Variants in SLC2A12 observed in about 807,000 individuals in gnomAD.
The protein encoded by SLC2A12 is solute carrier family 2, facilitated glucose transporter member 12.
A neutral mutation model predicts 41.8 loss-of-function variants in SLC2A12; 23 were observed. The ratio of observed to expected loss-of-function variants is 0.55; its 90% CI spans 0.40 to 0.78. The LOEUF is 0.78. SLC2A12 is among the 30% of genes least tolerant of loss of function. The probability of loss-of-function intolerance (pLI) is 0.00; values close to 1 mark genes in which losing one functional copy is unlikely to be tolerated. For missense variants in SLC2A12, 654 were observed against 745.6 expected (o/e 0.88, Z 1.43); for synonymous variants, 295 against 285.9 (o/e 1.03, Z -0.32).
chr6:134,021,988 G>A (rs567566742), intron 2 of SLC2A12, among the ~76,000 whole-genome samples: 1 of 152,268 alleles, frequency 6.6e-6, no homozygotes, highest in African/African-American at 2.4e-5. Flanking sequence ...ACCCCAGGGA[G>A]CATCATTCAC....
chr6:134,010,136 G>A (rs911245339), intron 2 of SLC2A12, among the ~76,000 whole-genome samples: 1 of 152,104 alleles, frequency 6.6e-6, no homozygotes, highest in African/African-American at 2.4e-5. Context: ...ATTCATAGGA[G>A]GTATGAATCA....
In SLC2A12 at chr6:133,990,861, A is replaced by G. The variant is rs1205396389; in HGVS notation, c.*294T>C. 3.9e-6 allele frequency: 1 copy of G among 257,692 alleles called. No homozygotes were observed. The highest frequency in any genetic ancestry group is 2.2e-5 in the African/African-American group (1 of 45,044). The allele number at this position is 257,692 out of a possible 1,614,324, so 16.0% of individuals were successfully genotyped here. ...TCTTCACTAGGACATAGTCTATTCA[A>G]AGGCTGCTCTGTGAAGAAGGTAGAA... On this transcript the variant is annotated 3_prime_UTR_variant, in exon 5 of 5. Transcript: ENST00000275230.
At chr6:134,040,348 G>A (rs1480197639) in intron 1 of SLC2A12, among the ~76,000 whole-genome samples, 2 of 152,102 alleles carry the variant, frequency 1.3e-5, no homozygotes, top group African/African-American at 4.8e-5. Context: ...CAAAGTGCTG[G>A]GATTACAGGT....
chr6:134,034,302 T>C (rs1358677147), intron 1 of SLC2A12, among the ~76,000 whole-genome samples: 1 of 152,178 alleles, frequency 6.6e-6, no homozygotes, highest in African/African-American at 2.4e-5. Flanking sequence ...GTCTCAGTTG[T>C]CTGAATTTTA....
chr6:133,999,639 T>C (rs1014941281), intron 4 of SLC2A12, among the ~76,000 whole-genome samples: 1 of 152,144 alleles, frequency 6.6e-6, no homozygotes, highest in African/African-American at 2.4e-5. Context: ...AAGCTCCCCA[T>C]TGACAGCCAG....
In SLC2A12 at chr6:134,029,542, G is replaced by C. The variant is rs1309025409; in HGVS notation, c.283C>G (p.Leu95Val). The C allele has an allele frequency of 6.2e-6, 10 of 1,614,158 alleles. No individual in the cohort carries two copies. The highest frequency in any genetic ancestry group is 8.5e-6 in the Non-Finnish European group (10 of 1,180,026). ...CTGTCTATCAGGACCCCTCCGGTGA[G>C]TGAGGCAAGGAGGGCTCCAATGACG... ...SLVIGALLAS[L>V]TGGVLIDRYG... Residue 95 changes from leucine (L) to valine (V), a missense_variant, in exon 2 of 5, where the codon CTC becomes GTC. Around this residue, in one of 3 missense-constraint regions of SLC2A12, gnomAD observed 109 missense variants for 153.0 expected, o/e 0.71. Coordinates refer to ENST00000275230, the MANE Select transcript of SLC2A12 (RefSeq NM_145176.3).
intron 2 of SLC2A12, among the ~76,000 whole-genome samples, chr6:134,015,284 G>A (rs371271809): frequency 6.6e-6 from 1 of 152,086 alleles, no homozygotes; most frequent in Non-Finnish European, 1.5e-5. Flanking sequence ...GGGGGATGGG[G>A]ACCAACACAC....
At chr6:134,015,755 G>T (rs1477943414) in intron 2 of SLC2A12, among the ~76,000 whole-genome samples, 1 of 152,158 alleles carries the variant, frequency 6.6e-6, no homozygotes, top group African/African-American at 2.4e-5. Flanking sequence ...GAAGCCACTA[G>T]GTAAACTTCC....
chr6:134,025,512 T>A, intron 2 of SLC2A12, among the ~76,000 whole-genome samples: 1 of 152,202 alleles, frequency 6.6e-6, no homozygotes, highest in East Asian at 1.9e-4. Flanking sequence ...TAGCATAGAA[T>A]GTTATTGAAA....
Position 134,028,530 on chromosome 6 carries a change from G to A in SLC2A12, c.1295C>T (p.Thr432Met), listed in dbSNP as rs200231388. 201 of 1,614,164 alleles carry A rather than the reference G, an allele frequency of 1.2e-4. No homozygotes were observed. The highest frequency in any genetic ancestry group is 1.5e-4 in the Non-Finnish European group (179 of 1,180,026). Residue 432 changes from threonine (T) to methionine (M), a missense_variant, in exon 2 of 5, where the codon ACG becomes ATG. Physicochemically the swap from Thr to Met is moderately conservative, Grantham distance 81. Transcript: ENST00000275230. ...AGCATTTAGCAAGGATGCTGAGGTC[G>A]TCTCCCCTCTCTTATCCACATCATT... is the stretch of plus-strand genomic sequence containing the variant. ...LRNDVDKRGE[T>M]TSASLLNAGL... is the part of the protein sequence containing the mutation.
In SLC2A12 at chr6:134,006,853, C is replaced by T. The variant is rs1368243045; in HGVS notation, c.1526G>A (p.Gly509Asp). Residue 509 changes from glycine to aspartate, a missense_variant, in exon 3 of 5, where the codon GGC becomes GAC. Gly to Asp is a moderately conservative substitution (Grantham distance 94). Transcript: ENST00000275230. ...AMALTSSMNW[G>D]INLLISLTFL... The stretch of plus-strand genomic sequence containing the variant: ...TGTCAGCGAGATGAGGAGATTGATG[C>T]CCCAGTTCATGCTAGAAGTTAAAGC... 5 of 1,614,000 alleles carry T rather than the reference C, an allele frequency of 3.1e-6. No individual in the cohort carries two copies. The highest frequency in any genetic ancestry group is 4.2e-6 in the Non-Finnish European group (5 of 1,180,016).
At chr6:134,032,452 A>ATATT (rs1562201708) in intron 1 of SLC2A12, among the ~76,000 whole-genome samples, 4 of 34,848 alleles carry the variant, frequency 1.1e-4, no homozygotes, top group African/African-American at 5.1e-4. Flanking sequence ...ATATATAAAT[A>ATATT]TATATATATA....
At chr6:134,046,322 A>C (rs1044053541) in intron 1 of SLC2A12, among the ~76,000 whole-genome samples, 1 of 152,242 alleles carries the variant, frequency 6.6e-6, no homozygotes, top group African/African-American at 2.4e-5. Context: ...AACAGTTTAA[A>C]ATTAAATTAC....
At chr6:134,003,735 C>A (rs1776779126) in intron 3 of SLC2A12, among the ~76,000 whole-genome samples, 1 of 152,192 alleles carries the variant, frequency 6.6e-6, no homozygotes, top group Non-Finnish European at 1.5e-5. Context: ...CCTCCTTCAG[C>A]GAACACACTG....
chr6:134,006,553 T>C (rs186733313), intron 3 of SLC2A12, among the ~76,000 whole-genome samples: 1 of 152,334 alleles, frequency 6.6e-6, no homozygotes, highest in Admixed American at 6.5e-5. Flanking sequence ...CAAAGGTCTA[T>C]GCTGAAATTT....
intron 1 of SLC2A12, among the ~76,000 whole-genome samples, chr6:134,050,773 T>G (rs551143542): frequency 1.3e-5 from 2 of 152,228 alleles, no homozygotes; most frequent in African/African-American, 4.8e-5. Context: ...AAAAGAACTT[T>G]GCAACTCTTT....
chr6:134,032,461 T>TATAA (rs1777230083), intron 1 of SLC2A12, among the ~76,000 whole-genome samples: 5 of 37,620 alleles, frequency 1.3e-4, no homozygotes, highest in African/African-American at 5.7e-4. Context: ...TATATATATA[T>TATAA]ATATTTTTAT....
intron 4 of SLC2A12, among the ~76,000 whole-genome samples, chr6:133,992,889 T>A (rs1776641531): frequency 6.6e-6 from 1 of 152,126 alleles, no homozygotes; most frequent in Admixed American, 6.5e-5. Context: ...CCATCCTGCT[T>A]TTCTGTTCCC....
intron 4 of SLC2A12, among the ~76,000 whole-genome samples, chr6:133,994,986 CAG>C (rs1414274290): frequency 2.6e-5 from 4 of 152,138 alleles, no homozygotes; most frequent in African/African-American, 4.8e-5. Flanking sequence ...GAATTGACCA[CAG>C]AGTTAACCAA....
Sources: allele counts gnomAD v4.1 joint callset (sites outside exome capture counted in the v4.1 genomes callset), GRCh38; gene constraint gnomAD v4.1.1; regional missense constraint gnomAD v4.1.1; transcripts MANE v1.5; gene names NCBI Gene and HGNC (gene_info 2026-07-23, HGNC 2026-07-21).